STK39: variants seen among roughly 807,000 people sequenced by gnomAD.
STK39 encodes the protein serine/threonine kinase 39.
A neutral mutation model predicts 77.8 loss-of-function variants in STK39; 20 were observed. That is an observed-to-expected ratio of 0.26 (90% CI 0.18 to 0.37). The LOEUF (loss-of-function observed/expected upper bound fraction) is 0.37, where lower values mean the gene tolerates loss of function less well. STK39 is among the 10% of genes least tolerant of loss of function. STK39 has a pLI of 1.00. For synonymous variants in STK39, 246 were observed against 234.1 expected (o/e 1.05, Z -0.47); for missense variants, 479 against 656.5 (o/e 0.73, Z 2.95).
At chr2:168,123,783 C>T (rs1159975475) in intron 10 of STK39, among the ~76,000 whole-genome samples, 9 of 150,628 alleles carry the variant, frequency 6.0e-5, no homozygotes, top group Admixed American at 2.0e-4. Context: ...GCAGGAGAAT[C>T]GCTTGAACCT....
chr2:168,015,630 T>C (rs1169059300), intron 15 of STK39, among the ~76,000 whole-genome samples: 1 of 152,240 alleles, frequency 6.6e-6, no homozygotes, highest in Non-Finnish European at 1.5e-5. Context: ...TTCACTTCTT[T>C]GTTACCTCTT....
chr2:168,161,724 C>A, intron 5 of STK39, 63 bp downstream of exon 5: 1 of 1,175,920 alleles, frequency 8.5e-7, no homozygotes, highest in Non-Finnish European at 1.2e-6. Context: ...AATGATTCTA[C>A]ATTCCTTGAA....
At chr2:168,181,141 G>T (rs1472755257) in intron 2 of STK39, among the ~76,000 whole-genome samples, 1 of 152,110 alleles carries the variant, frequency 6.6e-6, no homozygotes, top group Non-Finnish European at 1.5e-5. Flanking sequence ...ACTAATATTT[G>T]TACTGGGATT....
At chr2:167,992,436 G>A (rs1366299234) in intron 16 of STK39, among the ~76,000 whole-genome samples, 1 of 152,138 alleles carries the variant, frequency 6.6e-6, no homozygotes, top group African/African-American at 2.4e-5. Context: ...TGGAACTGGG[G>A]TCAGAGCAGA....
chr2:168,032,487 T>C (rs906573873), intron 14 of STK39, among the ~76,000 whole-genome samples: 17 of 152,216 alleles, frequency 1.1e-4, no homozygotes, highest in Admixed American at 7.9e-4. Flanking sequence ...ATTTCCTTCA[T>C]AATGGTTTCT....
chr2:168,199,439 T>C (rs1266554793), intron 1 of STK39, among the ~76,000 whole-genome samples: 4 of 152,218 alleles, frequency 2.6e-5, no homozygotes, highest in Admixed American at 2.6e-4. Flanking sequence ...CAAAATTGTA[T>C]TGTATTTCAC....
intron 1 of STK39, among the ~76,000 whole-genome samples, chr2:168,227,438 A>C (rs940694149): frequency 6.6e-6 from 1 of 152,230 alleles, no homozygotes. Context: ...TCATCAAATT[A>C]AATTCCTATT....
At chr2:168,233,928 G>GT (rs781019584) in intron 1 of STK39, among the ~76,000 whole-genome samples, 1 of 152,192 alleles carries the variant, frequency 6.6e-6, no homozygotes, top group Non-Finnish European at 1.5e-5. Context: ...CCAAAATGAG[G>GT]TAAGTCAGTA....
chr2:168,199,653 T>C lies in STK39; in HGVS notation c.209-17563A>G, dbSNP rs1228731586. Among the ~76,000 whole-genome samples the C allele has an allele frequency of 2.0e-5, 3 of 152,174 alleles. No individual in the cohort carries two copies. In the South Asian group the frequency reaches 6.2e-4, roughly 32 times the overall value. On this transcript the variant is annotated intron_variant, in intron 1 of 17. Transcript: ENST00000355999. ...AGCGATTCTGCCGAGTAGCTGGGAT[T>C]ACAGGTACACGCCACCATGCCCAGA...
chr2:168,195,954 T>C (rs149704938), intron 1 of STK39, among the ~76,000 whole-genome samples: 3,623 of 152,162 alleles, frequency 0.024, 89 homozygotes, highest in East Asian at 0.079. Context: ...GAGGTGGAGA[T>C]TGCAGTGGGC....
At chr2:168,125,174 T>C (rs1182998257) in intron 10 of STK39, among the ~76,000 whole-genome samples, 1 of 151,862 alleles carries the variant, frequency 6.6e-6, no homozygotes, top group East Asian at 1.9e-4. Context: ...CAAGATACTG[T>C]CTGTAATACA....
chr2:168,231,688 C>T (rs1009037236), intron 1 of STK39, among the ~76,000 whole-genome samples: 3 of 152,046 alleles, frequency 2.0e-5, no homozygotes. Context: ...AAACCACTAA[C>T]TAATCTATCA....
chr2:168,219,733 T>C (rs1690115629), intron 1 of STK39, among the ~76,000 whole-genome samples: 1 of 152,122 alleles, frequency 6.6e-6, no homozygotes, highest in Non-Finnish European at 1.5e-5. Context: ...GTTTAGAAAC[T>C]AAAAAAGCCA....
At chr2:168,124,685 C>A (rs1367568099) in intron 10 of STK39, among the ~76,000 whole-genome samples, 1 of 152,160 alleles carries the variant, frequency 6.6e-6, no homozygotes, top group Non-Finnish European at 1.5e-5. Flanking sequence ...AGGTGTGAGC[C>A]ACTGCGCCCA....
chr2:168,001,842 A>G (rs1414898843), intron 16 of STK39, among the ~76,000 whole-genome samples: 1 of 152,224 alleles, frequency 6.6e-6, no homozygotes, highest in African/African-American at 2.4e-5. Flanking sequence ...TTTAATTTAA[A>G]TCCTACACAC....
At chr2:168,086,163 A>T (rs897511390) in intron 10 of STK39, among the ~76,000 whole-genome samples, 2 of 152,190 alleles carry the variant, frequency 1.3e-5, no homozygotes, top group African/African-American at 4.8e-5. Context: ...GGATTTACTG[A>T]ATGTGTTTTC....
intron 1 of STK39, among the ~76,000 whole-genome samples, chr2:168,189,733 T>C (rs1314644676): frequency 6.6e-6 from 1 of 152,216 alleles, no homozygotes; most frequent in Non-Finnish European, 1.5e-5. Flanking sequence ...TCTGGGAATA[T>C]GATTGCTTGC....
chr2:167,990,368 T>C (rs183143090), intron 16 of STK39, among the ~76,000 whole-genome samples: 6 of 152,350 alleles, frequency 3.9e-5, no homozygotes, highest in South Asian at 2.1e-4. Flanking sequence ...CAATCTGCCA[T>C]AGGTCTACAG....
chr2:167,973,815 T>C (rs769660219), intron 16 of STK39, among the ~76,000 whole-genome samples: 4 of 152,186 alleles, frequency 2.6e-5, no homozygotes, highest in Non-Finnish European at 5.9e-5. Flanking sequence ...AAATTAATCA[T>C]GTAAAAAAAT....
Sources: gnomAD v4.1 joint callset for allele counts (sites outside exome capture counted in the v4.1 genomes callset) on GRCh38, gnomAD v4.1.1 for gene constraint, MANE v1.5 for transcripts, NCBI Gene and HGNC (gene_info 2026-07-23, HGNC 2026-07-21) for gene names.